The following BTBD7 variants were observed in gnomAD, a reference collection of about 807,000 sequenced individuals.
BTBD7 encodes BTB domain containing 7.
In BTBD7, 38 loss-of-function variants were observed where a neutral mutation model predicts 99.9. The ratio of observed to expected loss-of-function variants is 0.38; its 90% CI spans 0.29 to 0.50. The LOEUF is 0.50. Ranked by LOEUF, BTBD7 falls within the 20% of genes least tolerant of loss-of-function variation. The probability of loss-of-function intolerance (pLI) is 0.93; values close to 1 mark genes in which losing one functional copy is unlikely to be tolerated. For missense variants in BTBD7, 1,170 were observed against 1,394.6 expected (o/e 0.84, Z 2.57); for synonymous variants, 520 against 511.4 (o/e 1.02, Z -0.23).
intron 1 of BTBD7, among the ~76,000 whole-genome samples, chr14:93,327,718 A>C (rs114307673): frequency 6.6e-6 from 1 of 152,212 alleles, no homozygotes; most frequent in Non-Finnish European, 1.5e-5. Context: ...GATCAGGAAC[A>C]AGCCAAGGAT....
intron 5 of BTBD7, 144 bp downstream of exon 5, chr14:93,261,458 A>G (rs1168747912): frequency 1.4e-6 from 1 of 718,064 alleles, no homozygotes; most frequent in East Asian, 2.5e-5. Flanking sequence ...CCTGTCCACT[A>G]AAGGATTTTG....
intron 1 of BTBD7, among the ~76,000 whole-genome samples, chr14:93,325,106 A>AATTT (rs781161324): frequency 6.6e-5 from 7 of 105,574 alleles, no homozygotes; most frequent in African/African-American, 2.7e-4. Flanking sequence ...GCATGCTCCA[A>AATTT]TTTTTTTTTT....
chr14:93,323,037 C>G (rs1236131183), intron 1 of BTBD7, among the ~76,000 whole-genome samples: 1 of 152,140 alleles, frequency 6.6e-6, no homozygotes, highest in African/African-American at 2.4e-5. Context: ...GCAGGACAAT[C>G]TCTTGAGCCT....
At chr14:93,273,352 A>G (rs992910245) in intron 3 of BTBD7, among the ~76,000 whole-genome samples, 1 of 152,242 alleles carries the variant, frequency 6.6e-6, no homozygotes, top group African/African-American at 2.4e-5. Flanking sequence ...CAGGTTAGCC[A>G]ACCCTTAAAT....
chr14:93,246,297 T>TAA lies in BTBD7; in HGVS notation c.2122-12_2122-11insTT. On this transcript the variant is annotated splice_polypyrimidine_tract_variant and intron_variant, in intron 9 of 10. Coordinates refer to ENST00000334746, the MANE Select transcript of BTBD7 (RefSeq NM_001002860.4). Reference sequence around the variant, plus strand: ...GAATTTGTGAGGATTCTAAAAAAGATTAAAAAAAAAAAAAAAGGACATTTA... The same window carrying TAA: ...GAATTTGTGAGGATTCTAAAAAAGATAATAAAAAAAAAAAAAAAGGACATTTA... 1 of 1,379,580 alleles carries TAA rather than the reference T, an allele frequency of 7.2e-7. No homozygotes were observed. Among genetic ancestry groups the TAA allele is most frequent in the Non-Finnish European group, 9.3e-7 (1 of 1,072,250 alleles). 85.5% of individuals were successfully genotyped at this position (1,379,580 alleles called of 1,614,324 possible).
intron 1 of BTBD7, among the ~76,000 whole-genome samples, chr14:93,297,515 G>A (rs935285391): frequency 6.6e-6 from 1 of 152,132 alleles, no homozygotes; most frequent in Non-Finnish European, 1.5e-5. Context: ...TAGAGATGGG[G>A]TTTCACCATG....
chr14:93,312,524 G>A (rs1000464945), intron 1 of BTBD7, among the ~76,000 whole-genome samples: 8 of 152,130 alleles, frequency 5.3e-5, no homozygotes, highest in African/African-American at 1.9e-4. Context: ...GACTTTGTAT[G>A]GCAGATGCAC....
chr14:93,290,857 T>C (rs1192594546), intron 3 of BTBD7, among the ~76,000 whole-genome samples: 1 of 151,904 alleles, frequency 6.6e-6, no homozygotes, highest in Non-Finnish European at 1.5e-5. Context: ...CTAATTTTTG[T>C]ATTTTTTGGT....
At chr14:93,303,345 TG>T (rs2053027870) in intron 1 of BTBD7, among the ~76,000 whole-genome samples, 1 of 152,052 alleles carries the variant, frequency 6.6e-6, no homozygotes, top group African/African-American at 2.4e-5. Flanking sequence ...GACACATGCC[TG>T]TAATCCTGGC....
chr14:93,294,433 G>A lies in BTBD7; in HGVS notation c.587C>T (p.Ser196Phe). The change falls in exon 3 of 11, where the codon TCT becomes TTT. Residue 196 changes from serine to phenylalanine, a missense_variant. Coordinates refer to ENST00000334746, the MANE Select transcript of BTBD7 (RefSeq NM_001002860.4). Reference protein sequence around the residue: ...NTAGIDMPMFSALLHYLYTGE... With the variant: ...NTAGIDMPMFFALLHYLYTGE... ...TGTATAAAGGTAGTGTAACAAAGCA[G>A]AAAACATGGGCATATCAATACCAGC... 1.2e-6 allele frequency: 2 copies of A among 1,614,114 alleles called. No individual in the cohort carries two copies. Among genetic ancestry groups the A allele is most frequent in the Non-Finnish European group, 1.7e-6 (2 of 1,180,026 alleles).
chr14:93,305,069 A>G (rs1482337128), intron 1 of BTBD7, among the ~76,000 whole-genome samples: 2 of 152,258 alleles, frequency 1.3e-5, no homozygotes, highest in African/African-American at 4.8e-5. Context: ...TCAAATTCTT[A>G]TAAATAAGAA....
At chr14:93,244,176 G>A (rs1595281765) in intron 10 of BTBD7, 3 of 437,856 alleles carry the variant, frequency 6.9e-6, no homozygotes, top group Middle Eastern at 8.6e-4. Flanking sequence ...TGATTTTCCC[G>A]AAAAAGGGTA....
intron 1 of BTBD7, among the ~76,000 whole-genome samples, chr14:93,328,804 GC>G (rs1228333476): frequency 6.6e-6 from 1 of 152,018 alleles, no homozygotes; most frequent in African/African-American, 2.4e-5. Flanking sequence ...TGTAGTCCCA[GC>G]TGTTCGGGAG....
intron 3 of BTBD7, among the ~76,000 whole-genome samples, chr14:93,291,362 G>A (rs2052853218): frequency 6.6e-6 from 1 of 152,116 alleles, no homozygotes. Flanking sequence ...CTTAGGCTAT[G>A]TGACTTGGTT....
At chr14:93,329,020 T>C (rs372470295) in intron 1 of BTBD7, among the ~76,000 whole-genome samples, 24 of 152,292 alleles carry the variant, frequency 1.6e-4, no homozygotes, top group Admixed American at 1.5e-3. Flanking sequence ...AAAGAAAATC[T>C]AGGTAAGCTG....
chr14:93,291,195 C>T (rs893080580), intron 3 of BTBD7, among the ~76,000 whole-genome samples: 1 of 151,990 alleles, frequency 6.6e-6, no homozygotes, highest in African/African-American at 2.4e-5. Context: ...TAGTGAGAGA[C>T]ATATGTTGTG....
chr14:93,325,135 A>T, intron 1 of BTBD7, among the ~76,000 whole-genome samples: 1 of 98,826 alleles, frequency 1.0e-5, no homozygotes, highest in African/African-American at 5.0e-5. Context: ...TTTTTTTGAG[A>T]CAGAGTCTAG....
At chr14:93,271,561 T>C (rs539778266) in intron 3 of BTBD7, among the ~76,000 whole-genome samples, 2 of 152,194 alleles carry the variant, frequency 1.3e-5, no homozygotes, top group Non-Finnish European at 2.9e-5. Context: ...CAATTCTTTC[T>C]TACTAACCAG....
chr14:93,313,482 C>T (rs1276238830), intron 1 of BTBD7, among the ~76,000 whole-genome samples: 2 of 152,006 alleles, frequency 1.3e-5, no homozygotes, highest in African/African-American at 2.4e-5. Flanking sequence ...CCTGCTGATA[C>T]TTTTTTCCCC....
Sources: gnomAD v4.1 joint callset for allele counts (sites outside exome capture counted in the v4.1 genomes callset) on GRCh38, gnomAD v4.1.1 for gene constraint, MANE v1.5 for transcripts, NCBI Gene and HGNC (gene_info 2026-07-23, HGNC 2026-07-21) for gene names.